The following UVRAG variants were observed in gnomAD, a reference collection of about 807,000 sequenced individuals.
UVRAG encodes the protein UV radiation resistance associated.
In UVRAG, 19 loss-of-function variants were observed where a neutral mutation model predicts 78.0. That is an observed-to-expected ratio of 0.24 (90% CI 0.17 to 0.36). The LOEUF (loss-of-function observed/expected upper bound fraction) is 0.36. Ranked by LOEUF, UVRAG falls within the 10% of genes least tolerant of loss-of-function variation. The probability of loss-of-function intolerance (pLI) is 1.00; values close to 1 mark genes in which losing one functional copy is unlikely to be tolerated. For missense variants in UVRAG, 740 were observed against 853.8 expected, an observed-to-expected ratio of 0.87 and a Z score of 1.66; for synonymous variants, 323 against 324.6, an observed-to-expected ratio of 1.00 and a Z score of 0.05.
chr11:76,099,498 G>A (rs992472650), intron 13 of UVRAG, among the ~76,000 whole-genome samples: 1 of 152,180 alleles, frequency 6.6e-6, no homozygotes, highest in African/African-American at 2.4e-5. Context: ...AAGTGTTCTA[G>A]TTCTAAAAAG....
intron 1 of UVRAG, among the ~76,000 whole-genome samples, chr11:75,832,919 G>A (rs966956624): frequency 8.5e-5 from 13 of 152,210 alleles, no homozygotes; most frequent in African/African-American, 2.2e-4. Context: ...CCTATACCAA[G>A]GGTTTTAGGA....
intron 12 of UVRAG, among the ~76,000 whole-genome samples, chr11:76,027,395 C>T (rs951788407): frequency 7.2e-5 from 11 of 152,064 alleles, no homozygotes; most frequent in East Asian, 1.9e-4. Context: ...TTAGTTCATT[C>T]GACATTTGTT....
chr11:76,037,539 C>CAA lies in UVRAG; in HGVS notation c.1226+20582_1226+20583dup, dbSNP rs61354759. ...GCAACATTTCAAGACTTTGTCTTTACAAAAAAAAAAAAAAAAAAAAAAAAT... is the reference window on the plus strand; with the variant it reads ...GCAACATTTCAAGACTTTGTCTTTACAAAAAAAAAAAAAAAAAAAAAAAAAAT... On this transcript the variant is annotated intron_variant, in intron 12 of 14. Transcript: ENST00000356136. 8.0e-3 allele frequency among the ~76,000 whole-genome samples: 387 copies of CAA among 48,350 alleles called. 3 individuals are homozygous for CAA. Among genetic ancestry groups the CAA allele is most frequent in the African/African-American group, 0.014 (295 of 20,704 alleles). 31.7% of individuals were successfully genotyped at this position (48,350 alleles called of 152,430 possible).
chr11:75,996,607 A>T (rs951616799), intron 8 of UVRAG, among the ~76,000 whole-genome samples: 3 of 152,190 alleles, frequency 2.0e-5, no homozygotes, highest in African/African-American at 7.2e-5. Context: ...GGAGCAGTTT[A>T]TACAGAGGCA....
At chr11:76,027,427 C>T (rs1267394919) in intron 12 of UVRAG, among the ~76,000 whole-genome samples, 1 of 152,074 alleles carries the variant, frequency 6.6e-6, no homozygotes, top group Non-Finnish European at 1.5e-5. Flanking sequence ...AGGTATGGTG[C>T]AAAATGCATC....
At chr11:75,823,187 A>G (rs1945437982) in intron 1 of UVRAG, among the ~76,000 whole-genome samples, 2 of 152,274 alleles carry the variant, frequency 1.3e-5, no homozygotes, top group South Asian at 2.1e-4. Context: ...AGACCAAAGT[A>G]TATATTTATT....
intron 7 of UVRAG, among the ~76,000 whole-genome samples, chr11:75,978,261 T>C (rs1421242003): frequency 1.3e-5 from 2 of 152,316 alleles, no homozygotes; most frequent in African/African-American, 4.8e-5. Context: ...GGGCTTCCCT[T>C]TGTGGGTAAC....
At position 76,140,867 on chromosome 11, in the gene UVRAG, C is replaced by G. The variant is rs370498729; in HGVS notation, c.1554C>G (p.Thr518=). ...AGAATGAGAGACTTCAGTACAAAAC[C>G]CCTCCTCCCAGTTACAACTCAGCAT... ...SSENERLQYK[T]PPPSYNSALA... is the part of the protein sequence containing the mutation. The change falls in exon 15 of 15, where the codon ACC becomes ACG. Residue 518 remains threonine, a synonymous_variant. Coordinates refer to ENST00000356136, the MANE Select transcript of UVRAG (RefSeq NM_003369.4). 2.7e-5 allele frequency: 44 copies of G among 1,614,002 alleles called. No individual in the cohort carries two copies. The highest frequency in any genetic ancestry group is 3.7e-5 in the Non-Finnish European group (44 of 1,180,036).
At chr11:75,866,767 C>T (rs1028407303) in intron 3 of UVRAG, among the ~76,000 whole-genome samples, 2 of 152,088 alleles carry the variant, frequency 1.3e-5, no homozygotes, top group Non-Finnish European at 2.9e-5. Context: ...GGCAAACAAA[C>T]AAAATATGTT....
chr11:75,905,926 G>A (rs897256145), intron 5 of UVRAG, among the ~76,000 whole-genome samples: 3 of 151,818 alleles, frequency 2.0e-5, no homozygotes, highest in Non-Finnish European at 4.4e-5. Flanking sequence ...ATTCCTAATA[G>A]CAATATGTGA....
In UVRAG at chr11:75,875,194, T is replaced by G. The variant is rs189211023; in HGVS notation, c.271-4685T>G. 2.9e-3 allele frequency among the ~76,000 whole-genome samples: 445 copies of G among 152,358 alleles called. 2 individuals carry two copies. The highest frequency in any genetic ancestry group is 0.01 in the African/African-American group (424 of 41,580). ...TACCCCTTCTTTAGATTTACTCTTA[T>G]AGGTACCATTTATTTGCTATTCATT... On this transcript the variant is annotated intron_variant, in intron 3 of 14. Coordinates refer to ENST00000356136, the MANE Select transcript of UVRAG (RefSeq NM_003369.4).
intron 13 of UVRAG, among the ~76,000 whole-genome samples, chr11:76,099,141 TG>T (rs1006191300): frequency 6.6e-6 from 1 of 152,198 alleles, no homozygotes; most frequent in African/African-American, 2.4e-5. Context: ...TAAGGAAATG[TG>T]GATTTCACCC....
chr11:76,098,595 C>G (rs910605646), intron 13 of UVRAG, among the ~76,000 whole-genome samples: 7 of 152,162 alleles, frequency 4.6e-5, no homozygotes, highest in African/African-American at 9.7e-5. Flanking sequence ...AAGACCACAT[C>G]ATTGTTTAAT....
At chr11:76,095,475 TA>T (rs921316683) in intron 13 of UVRAG, among the ~76,000 whole-genome samples, 3 of 151,696 alleles carry the variant, frequency 2.0e-5, no homozygotes, top group Non-Finnish European at 4.4e-5. Context: ...TTTACATATG[TA>T]AAAAAATTTG....
intron 13 of UVRAG, among the ~76,000 whole-genome samples, chr11:76,110,765 T>G (rs1484428964): frequency 1.3e-5 from 2 of 152,012 alleles, no homozygotes; most frequent in African/African-American, 4.8e-5. Flanking sequence ...TCTGCCAGAG[T>G]AATGAGTACT....
chr11:76,057,487 A>G (rs187038583), intron 12 of UVRAG, among the ~76,000 whole-genome samples: 1 of 152,360 alleles, frequency 6.6e-6, no homozygotes, highest in East Asian at 1.9e-4. Flanking sequence ...AAACAGAAAT[A>G]TTATTTTAAA....
intron 11 of UVRAG, among the ~76,000 whole-genome samples, chr11:76,010,998 G>C (rs1220789237): frequency 6.6e-6 from 1 of 152,074 alleles, no homozygotes; most frequent in Non-Finnish European, 1.5e-5. Flanking sequence ...TGATTTGAAG[G>C]GGGCAGTCAG....
In UVRAG at chr11:76,056,600, G is replaced by A. The variant is rs574462483; in HGVS notation, c.1227-9110G>A. Among the ~76,000 whole-genome samples, 4 of 152,178 alleles carry A rather than the reference G, an allele frequency of 2.6e-5. No homozygotes were observed. In the East Asian group the frequency reaches 7.7e-4, roughly 29 times the overall value. On this transcript the variant is annotated intron_variant, in intron 12 of 14. Coordinates refer to ENST00000356136, the MANE Select transcript of UVRAG (RefSeq NM_003369.4). The stretch of plus-strand genomic sequence containing the variant: ...AACTTACTCTGCAGATCCCTGTAAA[G>A]TTCCTCACATTTTGAATTTTGCTGA...
At chr11:76,093,506 C>T (rs1951739636) in intron 13 of UVRAG, among the ~76,000 whole-genome samples, 1 of 152,166 alleles carries the variant, frequency 6.6e-6, no homozygotes, top group African/African-American at 2.4e-5. Flanking sequence ...AATGTTCTTC[C>T]ATTTGTTTGT....
Sources: allele counts gnomAD v4.1 joint callset (sites outside exome capture counted in the v4.1 genomes callset), GRCh38; gene constraint gnomAD v4.1.1; transcripts MANE v1.5; gene names NCBI Gene and HGNC (gene_info 2026-07-23, HGNC 2026-07-21).